The following MAT1A variants were observed in gnomAD, a reference collection of about 807,000 sequenced individuals.
MAT1A encodes the protein S-adenosylmethionine synthase isoform type-1.
Under a neutral mutation model 44.0 loss-of-function variants are expected in MAT1A, and 19 were observed. That is an observed-to-expected ratio of 0.43 (90% CI 0.30 to 0.63). The LOEUF (loss-of-function observed/expected upper bound fraction) is 0.63, where lower values mean the gene tolerates loss of function less well. Ranked by LOEUF, MAT1A falls within the 30% of genes least tolerant of loss-of-function variation. The pLI, the probability that MAT1A is intolerant of heterozygous loss-of-function variation, is 0.12. For synonymous variants in MAT1A, 205 were observed against 205.6 expected (o/e 1.00, Z 0.03); for missense variants, 397 against 531.0 (o/e 0.75, Z 2.48).
chr10:80,285,262 C>G (rs1261007214), intron 2 of MAT1A, among the ~76,000 whole-genome samples: 1 of 152,082 alleles, frequency 6.6e-6, no homozygotes, highest in African/African-American at 2.4e-5. Flanking sequence ...CAACCCTCTG[C>G]TATTTATGGT....
chr10:80,273,366 G>A lies in MAT1A; in HGVS notation c.*415C>T, dbSNP rs1350046758. ...GGGCACTGGCTGCCTGTGAAAGGGG[G>A]GTCCAGGAGCCCAGGCCCACAAGGA... On this transcript the variant is annotated 3_prime_UTR_variant, in exon 9 of 9. Coordinates refer to ENST00000372213, the MANE Select transcript of MAT1A (RefSeq NM_000429.3). 1 of 265,824 alleles carries A rather than the reference G, an allele frequency of 3.8e-6. No homozygotes were observed. Among genetic ancestry groups the A allele is most frequent in the East Asian group, 9.5e-5 (1 of 10,480 alleles). 16.5% of individuals were successfully genotyped at this position (265,824 alleles called of 1,614,324 possible).
In MAT1A at chr10:80,285,558, C is replaced by A. The variant is rs557431495; in HGVS notation, c.123G>T (p.Val41=). 3.1e-6 allele frequency: 5 copies of A among 1,614,072 alleles called. No homozygotes were observed. In the Admixed American group the frequency reaches 6.7e-5, roughly 22 times the overall value. Residue 41 remains valine, a synonymous_variant, in exon 2 of 9, where the codon GTG becomes GTT. Transcript: ENST00000372213. ...GGTCTTGCTTGAGATGGGCATCCAG[C>A]ACTGCATCACTGATCTGGTCACAGA... ...DKICDQISDA[V]LDAHLKQDPN... is the part of the protein sequence containing the mutation.
chr10:80,287,146 C>T (rs1841660199), intron 1 of MAT1A, among the ~76,000 whole-genome samples: 1 of 152,226 alleles, frequency 6.6e-6, no homozygotes, highest in African/African-American at 2.4e-5. Flanking sequence ...TTGTGAATGT[C>T]TCTGCCTGTG....
intron 6 of MAT1A, 115 bp downstream of exon 6, chr10:80,276,260 AT>A: frequency 9.7e-7 from 1 of 1,030,400 alleles, no homozygotes; most frequent in East Asian, 2.5e-5. Flanking sequence ...CATTTAGTCC[AT>A]GGCCAGAGTC....
intron 2 of MAT1A, 74 bp downstream of exon 2, chr10:80,285,438 G>C (rs536193382): frequency 7.9e-7 from 1 of 1,259,306 alleles, no homozygotes; most frequent in African/African-American, 1.5e-5. Flanking sequence ...TGGCTCGTTT[G>C]TCTTATACCC....
In MAT1A at chr10:80,273,506, G is replaced by A. The variant is rs76913733; in HGVS notation, c.*275C>T. ...ACGAGTGAGGGAATTCACTCTTGAC[G>A]GGGGTGCCTTTTCCACTAAATTAAC... On this transcript the variant is annotated 3_prime_UTR_variant, in exon 9 of 9. Transcript: ENST00000372213. The A allele has an allele frequency of 2.2e-3, 962 of 446,140 alleles. 6 individuals are homozygous for A. The highest frequency in any genetic ancestry group is 0.017 in the African/African-American group (849 of 49,808). 27.6% of individuals were successfully genotyped at this position (446,140 alleles called of 1,614,324 possible).
chr10:80,284,111 C>T, intron 2 of MAT1A, 73 bp from the exon 3 acceptor site: 2 of 1,578,050 alleles, frequency 1.3e-6, no homozygotes, highest in East Asian at 4.6e-5. Flanking sequence ...TCCCAGACCT[C>T]TCACAGTGCA....
rs367639318 is a variant in MAT1A, at chr10:80,289,488, G to GTTT, written c.-68_-66dup. 6.7e-4 allele frequency: 738 copies of GTTT among 1,102,832 alleles called. 1 individual carries two copies. Among genetic ancestry groups the GTTT allele is most frequent in the Non-Finnish European group, 8.9e-4 (671 of 750,576 alleles). 68.3% of individuals were successfully genotyped at this position (1,102,832 alleles called of 1,614,324 possible). ...ATTTTGAGGCTGTGACTTTGCCTGA[G>GTTT]TTTTTTTTTCTTCTTCTTCTTCTTC... is the stretch of plus-strand genomic sequence containing the variant. On this transcript the variant is annotated 5_prime_UTR_variant, in exon 1 of 9. Transcript: ENST00000372213.
intron 3 of MAT1A, 146 bp downstream of exon 3, chr10:80,283,770 T>G (rs963446695): frequency 4.1e-5 from 53 of 1,301,882 alleles, no homozygotes; most frequent in Non-Finnish European, 5.4e-5. Flanking sequence ...CTTTGACCCC[T>G]GGAACCTGAC....
intron 1 of MAT1A, among the ~76,000 whole-genome samples, chr10:80,288,207 C>T (rs1256661687): frequency 2.6e-5 from 4 of 152,196 alleles, no homozygotes; most frequent in Non-Finnish European, 5.9e-5. Flanking sequence ...AGCAAACACT[C>T]GAATGAATTT....
rs1564645621 is a variant in MAT1A at position 80,275,093 on chromosome 10, CGGTCTACCTTGGT to C, written c.862_874del (p.Thr288AlafsTer15). The C allele has an allele frequency of 6.3e-7, 1 of 1,597,604 alleles. No homozygotes were observed. The highest frequency in any genetic ancestry group is 1.1e-5 in the South Asian group (1 of 88,458). On this transcript the variant is annotated frameshift_variant, in exon 7 of 9. Transcript: ENST00000372213. LOFTEE classifies it high-confidence loss of function. ...CCAGCGGGCAGCATATGCAGCTGAG[CGGTCTACCTTGGT>C]GTAGTCCTTCCCAGAGAAGGCCCCA... is the stretch of plus-strand genomic sequence containing the variant.
intron 4 of MAT1A, 125 bp from the exon 5 acceptor site, chr10:80,280,441 T>G: frequency 7.9e-7 from 1 of 1,260,786 alleles, no homozygotes; most frequent in Non-Finnish European, 1.1e-6. Flanking sequence ...AGCTTTCCAC[T>G]GGCATGTGCA....
At chr10:80,273,936 T>G (rs1841445010) in intron 8 of MAT1A, 53 bp from the exon 9 acceptor site, 1 of 1,280,824 alleles carries the variant, frequency 7.8e-7, no homozygotes. Flanking sequence ...GGAGCAGGGT[T>G]TCTTTCTCCA....
chr10:80,289,588 AC>A lies in MAT1A; in HGVS notation c.-166del. ...CCTAACTGCCTGTGAGCACGTGAGAACAGGCGAGGACTGCTGAGAAGGGAGG... is the reference window on the plus strand; with the variant it reads ...CCTAACTGCCTGTGAGCACGTGAGAAAGGCGAGGACTGCTGAGAAGGGAGG... On this transcript the variant is annotated 5_prime_UTR_variant, in exon 1 of 9. Transcript: ENST00000372213. The A allele has an allele frequency of 1.5e-6, 1 of 676,868 alleles. No homozygotes were observed. The highest frequency in any genetic ancestry group is 2.7e-6 in the Non-Finnish European group (1 of 370,396). The allele number at this position is 676,868 out of a possible 1,614,324, so 41.9% of individuals were successfully genotyped here. A position where few individuals can be genotyped will look rare whatever the true frequency, so the allele number is the denominator to read the frequency against.
chr10:80,273,478 G>T lies in MAT1A; in HGVS notation c.*303C>A. The T allele has an allele frequency of 2.6e-6, 1 of 388,340 alleles. No individual in the cohort carries two copies. The highest frequency in any genetic ancestry group is 4.9e-6 in the Non-Finnish European group (1 of 202,850). 24.1% of individuals were successfully genotyped at this position (388,340 alleles called of 1,614,324 possible). On this transcript the variant is annotated 3_prime_UTR_variant, in exon 9 of 9. Transcript: ENST00000372213. ...GCTGGTCAGGGTCCAGCTGTTGGGG[G>T]AGACGAGTGAGGGAATTCACTCTTG...
intron 3 of MAT1A, among the ~76,000 whole-genome samples, chr10:80,282,176 A>G (rs1171995113): frequency 6.6e-6 from 1 of 152,230 alleles, no homozygotes; most frequent in Non-Finnish European, 1.5e-5. Flanking sequence ...GTCTGTCTAA[A>G]TAATGAATCT....
intron 3 of MAT1A, among the ~76,000 whole-genome samples, chr10:80,281,182 G>A (rs1010439400): frequency 2.0e-5 from 3 of 152,146 alleles, no homozygotes; most frequent in Non-Finnish European, 4.4e-5. Flanking sequence ...CCAGAATCTA[G>A]TTTGAGCATC....
At position 80,273,297 on chromosome 10, in the gene MAT1A, C is replaced by A. The variant is rs191500126; in HGVS notation, c.*484G>T. 1.2e-3 allele frequency: 281 copies of A among 242,920 alleles called. 1 individual carries two copies. The highest frequency in any genetic ancestry group is 5.4e-3 in the African/African-American group (241 of 44,442). The allele number at this position is 242,920 out of a possible 1,614,324, so 15.0% of individuals were successfully genotyped here. Reference sequence around the variant, plus strand: ...GACATCAGTCCTGCTCTAACCCCTGCCACATGCCTGGCCTGGGTGGGGCTT... The same window carrying A: ...GACATCAGTCCTGCTCTAACCCCTGACACATGCCTGGCCTGGGTGGGGCTT... On this transcript the variant is annotated 3_prime_UTR_variant, in exon 9 of 9. Transcript: ENST00000372213.
At chr10:80,287,596 C>A (rs1841664826) in intron 1 of MAT1A, among the ~76,000 whole-genome samples, 1 of 152,202 alleles carries the variant, frequency 6.6e-6, no homozygotes, top group African/African-American at 2.4e-5. Flanking sequence ...CTGCTGCGCA[C>A]AATGGACCAT....
Sources: gnomAD v4.1 joint callset for allele counts (sites outside exome capture counted in the v4.1 genomes callset) on GRCh38, gnomAD v4.1.1 for gene constraint, MANE v1.5 for transcripts, NCBI Gene and HGNC (gene_info 2026-07-23, HGNC 2026-07-21) for gene names.